The following TFPT variants were observed in gnomAD, a reference collection of about 807,000 sequenced individuals.
The protein encoded by TFPT is INO80 complex subunit F.
In TFPT, 27 loss-of-function variants were observed where a neutral mutation model predicts 28.8. The observed-to-expected ratio is 0.94, with a 90% CI of 0.69 to 1.29. The LOEUF (loss-of-function observed/expected upper bound fraction) is 1.29, where lower values mean the gene tolerates loss of function less well. TFPT is among the 50% of genes most tolerant of loss of function. TFPT has a pLI of 0.00. For missense variants in TFPT, 330 were observed against 338.0 expected, an observed-to-expected ratio of 0.98 and a Z score of 0.19; for synonymous variants, 152 against 142.8, an observed-to-expected ratio of 1.06 and a Z score of -0.46.
At chr19:54,108,458 A>G in intron 3 of TFPT, 63 bp from the exon 4 acceptor site, 1 of 1,613,862 alleles carries the variant, frequency 6.2e-7, no homozygotes, top group South Asian at 1.1e-5. Context: ...GAAAAGGGCC[A>G]CAGGATAGAG....
intron 3 of TFPT, chr19:54,108,601 G>A (rs2073353939): frequency 3.2e-6 from 5 of 1,546,412 alleles, no homozygotes; most frequent in Admixed American, 2.0e-5. Flanking sequence ...CCATTCTGAG[G>A]CTGAGTTTCC....
rs751160649 is a variant in TFPT, at chr19:54,108,382, C to G, written c.367G>C (p.Val123Leu). ...TAGTCATCCCCGTAGGAGTCCAGCA[C>G]TCTCATGAGGAACCTGCTCAGGGGG... ...LQQERRFLMR[V>L]LDSYGDDYRA... Residue 123 changes from valine (V) to leucine (L), a missense_variant, in exon 4 of 6, where the codon GTG becomes CTG. Physicochemically the swap from Val to Leu is conservative, Grantham distance 32. Coordinates refer to ENST00000391759, the MANE Select transcript of TFPT (RefSeq NM_013342.4). The G allele has an allele frequency of 1.2e-6, 2 of 1,613,478 alleles. No homozygotes were observed. The highest frequency in any genetic ancestry group is 3.3e-5 in the Admixed American group (2 of 59,914).
In TFPT at chr19:54,115,240, C is replaced by T; in HGVS notation, c.23+7G>A. ...TCGCACTTTTTCACAAGGGCTCAGC[C>T]ACATACCCTTCTCTCTGCTCCAATT... On this transcript the variant is annotated splice_region_variant and intron_variant, in intron 1 of 5. Transcript: ENST00000391759. 6.2e-7 allele frequency: 1 copy of T among 1,614,156 alleles called. No homozygotes were observed. Among genetic ancestry groups the T allele is most frequent in the Non-Finnish European group, 8.5e-7 (1 of 1,180,046 alleles).
At chr19:54,107,735 C>T (rs1486075359) in intron 5 of TFPT, among the ~76,000 whole-genome samples, 1 of 152,152 alleles carries the variant, frequency 6.6e-6, no homozygotes, top group Non-Finnish European at 1.5e-5. Flanking sequence ...TTTTCCTTCT[C>T]CAGGTCTTCC....
At position 54,108,323 on chromosome 19, in the gene TFPT, C is replaced by T. The variant is rs1447231791; in HGVS notation, c.423+3G>A. 1 of 1,600,536 alleles carries T rather than the reference C, an allele frequency of 6.2e-7. No homozygotes were observed. Among genetic ancestry groups the T allele is most frequent in the Non-Finnish European group, 8.5e-7 (1 of 1,172,990 alleles). On this transcript the variant is annotated splice_donor_region_variant and intron_variant, in intron 4 of 5. Transcript: ENST00000391759. ...CTGACCCTCCTGGAGGCCCAACACT[C>T]ACCTCCAGCACAATGGTGAACTGGC... is the stretch of plus-strand genomic sequence containing the variant.
intron 2 of TFPT, among the ~76,000 whole-genome samples, chr19:54,111,276 C>T (rs182136966): frequency 5.5e-4 from 83 of 152,262 alleles, no homozygotes; most frequent in African/African-American, 2.0e-3. Context: ...GGCACAGTGG[C>T]TCACGCCTGT....
At chr19:54,108,615 T>C (rs1249058769) in intron 3 of TFPT, 1 of 1,522,064 alleles carries the variant, frequency 6.6e-7, no homozygotes, top group East Asian at 2.4e-5. Flanking sequence ...AGTTTCCTGC[T>C]CTGCAAACGA....
rs372980800 is a variant in TFPT, at chr19:54,108,079, G to A, written c.589C>T (p.Arg197Trp). ...GCATTTCCTGCTCGGCGTCCATCCC[G>A]TGGCACTCGCCGCCTCTTCCGCCCA... ...PSGRKRRRVPRDGRRAGNALT... is the reference protein window; with the variant it reads ...PSGRKRRRVPWDGRRAGNALT... Residue 197 changes from arginine (R) to tryptophan (W), a missense_variant, in exon 5 of 6, where the codon CGG becomes TGG. Arg to Trp is a moderately radical substitution (Grantham distance 101, BLOSUM62 -3). Transcript: ENST00000391759. The A allele has an allele frequency of 4.1e-5, 64 of 1,557,816 alleles. No individual in the cohort carries two copies. The highest frequency in any genetic ancestry group is 8.2e-5 in the African/African-American group (6 of 73,010).
intron 4 of TFPT, 30 bp from the exon 5 acceptor site, chr19:54,108,274 G>A (rs1379602411): frequency 1.9e-6 from 3 of 1,575,522 alleles, no homozygotes; most frequent in East Asian, 2.3e-5. Flanking sequence ...GGTAGGTGAT[G>A]GGTGGGTCCT....
At chr19:54,114,850 C>A in intron 1 of TFPT, 150 bp from the exon 2 acceptor site, 1 of 1,120,900 alleles carries the variant, frequency 8.9e-7, no homozygotes, top group Non-Finnish European at 1.2e-6. Flanking sequence ...TAGAATCCAG[C>A]TCCCAGCCCT....
At position 54,110,107 on chromosome 19, in the gene TFPT, G is replaced by T; in HGVS notation, c.297C>A (p.Val99=). ...TCTGCACCTGATGGAGCCTGTTCAG[G>T]ACCCGCTCGTTCACCTATGGGGTGG... ...CREIEQVNER[V]LNRLHQVQRI... Residue 99 remains valine (V), a synonymous_variant, in exon 3 of 6, where the codon GTC becomes GTA. Coordinates refer to ENST00000391759, the MANE Select transcript of TFPT (RefSeq NM_013342.4). 6.2e-7 allele frequency: 1 copy of T among 1,614,154 alleles called. No homozygotes were observed. Among genetic ancestry groups the T allele is most frequent in the African/African-American group, 1.3e-5 (1 of 75,036 alleles).
At chr19:54,108,535 G>C (rs1355846549) in intron 3 of TFPT, 140 bp from the exon 4 acceptor site, 1 of 1,611,646 alleles carries the variant, frequency 6.2e-7, no homozygotes, top group East Asian at 2.2e-5. Context: ...TCTGGCACTG[G>C]AGGCCTGGGA....
intron 4 of TFPT, 22 bp downstream of exon 4, chr19:54,108,304 C>A (rs146742655): frequency 1.9e-6 from 3 of 1,587,906 alleles, no homozygotes; most frequent in Non-Finnish European, 2.6e-6. Context: ...GTTCCTGACC[C>A]TCCTGGAGGC....
At chr19:54,113,845 C>G (rs1400377393) in intron 2 of TFPT, among the ~76,000 whole-genome samples, 1 of 152,126 alleles carries the variant, frequency 6.6e-6, no homozygotes, top group East Asian at 1.9e-4. Flanking sequence ...GTGCGCACCA[C>G]CACACCTGGC....
intron 2 of TFPT, among the ~76,000 whole-genome samples, chr19:54,114,071 A>T (rs2073536937): frequency 6.6e-6 from 1 of 152,184 alleles, no homozygotes. Flanking sequence ...ATAGGGATGG[A>T]GGAGAGGAGA....
chr19:54,111,603 C>A (rs1385330275), intron 2 of TFPT, among the ~76,000 whole-genome samples: 1 of 150,826 alleles, frequency 6.6e-6, no homozygotes, highest in Non-Finnish European at 1.5e-5. Flanking sequence ...TCGCTTGAAC[C>A]CAGGAGCTGG....
At chr19:54,114,842 G>T in intron 1 of TFPT, 142 bp from the exon 2 acceptor site, 1 of 1,236,666 alleles carries the variant, frequency 8.1e-7, no homozygotes, top group South Asian at 1.5e-5. Flanking sequence ...TCAGACCGTA[G>T]AATCCAGCTC....
In TFPT at chr19:54,107,041, G is replaced by A; in HGVS notation, c.*9C>T. ...GGGGTGAGTGTGGGGTCAGTTTATT[G>A]GGCATGCGTCAGTCAGAGGCTGGGC... On this transcript the variant is annotated 3_prime_UTR_variant, in exon 6 of 6. Transcript: ENST00000391759. The A allele has an allele frequency of 6.2e-7, 1 of 1,613,130 alleles. No individual in the cohort carries two copies. The highest frequency in any genetic ancestry group is 1.1e-5 in the South Asian group (1 of 91,020).
chr19:54,113,573 C>A (rs1173747849), intron 2 of TFPT, among the ~76,000 whole-genome samples: 1 of 152,144 alleles, frequency 6.6e-6, no homozygotes, highest in African/African-American at 2.4e-5. Context: ...CTGTTCCTCC[C>A]CCATTTGAAA....
Sources: gnomAD v4.1 joint callset for allele counts (sites outside exome capture counted in the v4.1 genomes callset) on GRCh38, gnomAD v4.1.1 for gene constraint, MANE v1.5 for transcripts, NCBI Gene and HGNC (gene_info 2026-07-23, HGNC 2026-07-21) for gene names.